Variants in HAS2 observed in about 807,000 individuals in gnomAD.
HAS2 encodes HA synthase 2.
In HAS2, 16 loss-of-function variants were observed where a neutral mutation model predicts 51.6. The observed-to-expected ratio is 0.31, with a 90% CI of 0.21 to 0.47. The LOEUF (loss-of-function observed/expected upper bound fraction) is 0.47. Among genes scored for constraint, HAS2 ranks in the 20% least tolerant of loss-of-function variants. The probability of loss-of-function intolerance (pLI) is 1.00; values close to 1 mark genes in which losing one functional copy is unlikely to be tolerated. For missense variants in HAS2, 361 were observed against 662.6 expected, an observed-to-expected ratio of 0.54 and a Z score of 5.00; for synonymous variants, 228 against 235.5, an observed-to-expected ratio of 0.97 and a Z score of 0.29.
chr8:121,637,159 C>T (rs1032703659), intron 1 of HAS2, among the ~76,000 whole-genome samples: 4 of 152,228 alleles, frequency 2.6e-5, no homozygotes, highest in Admixed American at 2.0e-4. Context: ...TTTTGTCTTA[C>T]AGTATATTTT....
intron 1 of HAS2, among the ~76,000 whole-genome samples, chr8:121,634,275 C>A (rs73710809): frequency 6.6e-6 from 1 of 151,962 alleles, no homozygotes. Flanking sequence ...AGTGGTCCTT[C>A]CATTTTGGAT....
intron 1 of HAS2, among the ~76,000 whole-genome samples, chr8:121,634,829 C>T (rs1232843704): frequency 2.6e-5 from 4 of 151,194 alleles, no homozygotes; most frequent in African/African-American, 7.3e-5. Flanking sequence ...AGTCCCAGAA[C>T]AGGTCTAGAA....
intron 3 of HAS2, 41 bp downstream of exon 3, chr8:121,617,064 A>G (rs1812713021): frequency 9.2e-7 from 1 of 1,083,608 alleles, no homozygotes; most frequent in Non-Finnish European, 1.4e-6. Context: ...TCTTAAAAGT[A>G]TTTCATGCAA....
chr8:121,627,887 A>G (rs1812875836), intron 2 of HAS2, among the ~76,000 whole-genome samples: 1 of 152,024 alleles, frequency 6.6e-6, no homozygotes, highest in African/African-American at 2.4e-5. Flanking sequence ...CAATACCATC[A>G]TGGCCAAAAT....
rs573930502 is a variant in HAS2 at position 121,624,080 on chromosome 8, G to C, written c.627+4634C>G. Among the ~76,000 whole-genome samples, 9 of 152,246 alleles carry C rather than the reference G, an allele frequency of 5.9e-5. No individual in the cohort carries two copies. The East Asian group carries it at 1.7e-3, about 29-fold the overall frequency. On this transcript the variant is annotated intron_variant, in intron 2 of 3. Coordinates refer to ENST00000303924, the MANE Select transcript of HAS2 (RefSeq NM_005328.3). ...ATAATCTTGTTTTATCTGTGCTTCT[G>C]TTTATATGTACCTTATTTAATATAC...
chr8:121,622,881 C>CA (rs1383272314), intron 2 of HAS2, among the ~76,000 whole-genome samples: 3 of 151,218 alleles, frequency 2.0e-5, no homozygotes, highest in Non-Finnish European at 4.4e-5. Context: ...GCAACAAATA[C>CA]AAAATCATAA....
intron 2 of HAS2, among the ~76,000 whole-genome samples, chr8:121,619,011 A>G (rs891016578): frequency 2.6e-5 from 4 of 152,130 alleles, no homozygotes; most frequent in African/African-American, 9.7e-5. Flanking sequence ...AAAGTCTCAG[A>G]ATTAAAGGAG....
In HAS2 at chr8:121,641,161, T is replaced by TA; in HGVS notation, c.-310_-309insT. Reference sequence around the variant, plus strand: ...CTTTTCTTTTTTCTTTTCTTTTCTTTTTTTTTTTTTTTTTTTTTTGGGCTT... The same window carrying TA: ...CTTTTCTTTTTTCTTTTCTTTTCTTTATTTTTTTTTTTTTTTTTTTGGGCTT... On this transcript the variant is annotated 5_prime_UTR_variant, in exon 1 of 4. Transcript: ENST00000303924. 1.3e-5 allele frequency: 1 copy of TA among 77,478 alleles called. No homozygotes were observed. Among genetic ancestry groups the TA allele is most frequent in the East Asian group, 4.5e-4 (1 of 2,242 alleles). 4.8% of individuals were successfully genotyped at this position (77,478 alleles called of 1,614,324 possible).
chr8:121,638,519 C>G (rs1158786834), intron 1 of HAS2, among the ~76,000 whole-genome samples: 6 of 152,090 alleles, frequency 3.9e-5, no homozygotes, highest in Non-Finnish European at 7.4e-5. Context: ...CAGGTGATAT[C>G]TAAGAAAAAA....
intron 2 of HAS2, among the ~76,000 whole-genome samples, chr8:121,621,433 T>C (rs1369617355): frequency 6.6e-6 from 1 of 152,202 alleles, no homozygotes; most frequent in Non-Finnish European, 1.5e-5. Context: ...GGGACATTTG[T>C]GAGACACTGC....
intron 1 of HAS2, among the ~76,000 whole-genome samples, chr8:121,629,717 A>G: frequency 6.6e-6 from 1 of 152,184 alleles, no homozygotes; most frequent in East Asian, 1.9e-4. Flanking sequence ...CTAACACCCA[A>G]AGAAGTCATT....
At chr8:121,622,876 A>G (rs1450176792) in intron 2 of HAS2, among the ~76,000 whole-genome samples, 2 of 152,140 alleles carry the variant, frequency 1.3e-5, no homozygotes, top group Non-Finnish European at 2.9e-5. Flanking sequence ...ATTAAGCAAC[A>G]AATACAAAAT....
In HAS2 at chr8:121,618,883, TA is replaced by T. The variant is rs56714667; in HGVS notation, c.628-1678del. Among the ~76,000 whole-genome samples, 1,400 of 152,090 alleles carry T rather than the reference TA, an allele frequency of 9.2e-3. 26 individuals are homozygous for T. The highest frequency in any genetic ancestry group is 0.032 in the African/African-American group (1,338 of 41,484). ...TTTAACAGTCCTGCAAACCACTCTA[TA>T]AACATAGTATTTCAGCCTGGGCAAC... On this transcript the variant is annotated intron_variant, in intron 2 of 3. Coordinates refer to ENST00000303924, the MANE Select transcript of HAS2 (RefSeq NM_005328.3).
In HAS2 at chr8:121,628,698, G is replaced by A. The variant is rs772031100; in HGVS notation, c.627+16C>T. The stretch of plus-strand genomic sequence containing the variant: ...TTTAAATGTATGTTTGCCCTGGCAG[G>A]AATGTGGAGACCTACCTGTACATAA... On this transcript the variant is annotated intron_variant, in intron 2 of 3. Transcript: ENST00000303924. 69 of 1,606,954 alleles carry A rather than the reference G, an allele frequency of 4.3e-5. No individual in the cohort carries two copies. The highest frequency in any genetic ancestry group is 5.4e-5 in the Non-Finnish European group (63 of 1,175,940).
intron 1 of HAS2, among the ~76,000 whole-genome samples, chr8:121,633,312 A>C (rs1442081352): frequency 6.6e-6 from 1 of 151,808 alleles, no homozygotes; most frequent in South Asian, 2.1e-4. Context: ...TGCTTGTGTA[A>C]TTTTTATATT....
intron 1 of HAS2, among the ~76,000 whole-genome samples, chr8:121,637,547 C>T (rs963573859): frequency 4.6e-5 from 7 of 152,020 alleles, no homozygotes; most frequent in South Asian, 2.1e-4. Context: ...GCCACCACCA[C>T]ACCTGGCTAA....
chr8:121,632,815 G>A (rs759416777), intron 1 of HAS2, among the ~76,000 whole-genome samples: 1 of 152,022 alleles, frequency 6.6e-6, no homozygotes, highest in Non-Finnish European at 1.5e-5. Flanking sequence ...TTCAGGCAGT[G>A]GGGCAAGTTT....
At chr8:121,625,208 G>A (rs934878155) in intron 2 of HAS2, among the ~76,000 whole-genome samples, 2 of 151,452 alleles carry the variant, frequency 1.3e-5, no homozygotes, top group Admixed American at 1.3e-4. Flanking sequence ...TAAAAACAAG[G>A]GAAAAAACAG....
At chr8:121,629,673 A>C (rs1488211920) in intron 1 of HAS2, among the ~76,000 whole-genome samples, 2 of 152,206 alleles carry the variant, frequency 1.3e-5, no homozygotes, top group East Asian at 1.9e-4. Context: ...CTCTATATAT[A>C]TGTGGTCATA....
Sources: gnomAD v4.1 joint callset for allele counts (sites outside exome capture counted in the v4.1 genomes callset) on GRCh38, gnomAD v4.1.1 for gene constraint, MANE v1.5 for transcripts, NCBI Gene and HGNC (gene_info 2026-07-23, HGNC 2026-07-21) for gene names.